Variants in YAE1 observed in about 807,000 individuals in gnomAD.
YAE1 encodes the protein protein YAE1 homolog.
Under a neutral mutation model 23.0 loss-of-function variants are expected in YAE1, and 22 were observed. The observed-to-expected ratio is 0.96, with a 90% CI of 0.68 to 1.37. YAE1 has a LOEUF of 1.37. Ranked by LOEUF, YAE1 falls within the 40% of genes most tolerant of loss-of-function variation. The probability of loss-of-function intolerance (pLI) is 0.00; values close to 1 mark genes in which losing one functional copy is unlikely to be tolerated. For missense variants in YAE1, 260 were observed against 262.1 expected, an observed-to-expected ratio of 0.99 and a Z score of 0.06; for synonymous variants, 101 against 97.0, an observed-to-expected ratio of 1.04 and a Z score of -0.24.
intron 2 of YAE1, 27 bp downstream of exon 2, chr7:39,570,654 T>A: frequency 6.3e-7 from 1 of 1,577,662 alleles, no homozygotes. Flanking sequence ...AAATGCTGAA[T>A]CATTTTAACC....
intron 2 of YAE1, among the ~76,000 whole-genome samples, chr7:39,584,798 C>T (rs906202406): frequency 1.3e-5 from 2 of 152,090 alleles, no homozygotes; most frequent in Non-Finnish European, 2.9e-5. Flanking sequence ...TTGGGAGGAT[C>T]GTTTGATGCC....
chr7:39,609,524 T>C (rs887744662), intron 2 of YAE1: 2 of 1,453,318 alleles, frequency 1.4e-6, no homozygotes, highest in South Asian at 1.3e-5. Flanking sequence ...TATCAGAAAA[T>C]GATGATGTTA....
intron 2 of YAE1, among the ~76,000 whole-genome samples, chr7:39,597,274 AAG>A: frequency 6.6e-6 from 1 of 152,204 alleles, no homozygotes; most frequent in Middle Eastern, 3.2e-3. Flanking sequence ...CTGATTAGAA[AAG>A]AGAGAGGTTG....
At chr7:39,597,341 G>GT (rs1452135919) in intron 2 of YAE1, among the ~76,000 whole-genome samples, 1 of 152,138 alleles carries the variant, frequency 6.6e-6, no homozygotes, top group Non-Finnish European at 1.5e-5. Context: ...AGGTGGAAGT[G>GT]AGAGGACTGC....
downstream of YAE1, among the ~76,000 whole-genome samples, chr7:39,574,683 A>G (rs1475847608): frequency 6.7e-6 from 1 of 149,616 alleles, no homozygotes; most frequent in African/African-American, 2.5e-5. Flanking sequence ...CAGTGAGCCA[A>G]GATTGTGCCA....
Position 39,572,628 on chromosome 7 carries a change from G to C in YAE1, c.603G>C (p.Trp201Cys). The C allele has an allele frequency of 6.2e-7, 1 of 1,613,998 alleles. No homozygotes were observed. The highest frequency in any genetic ancestry group is 8.5e-7 in the Non-Finnish European group (1 of 1,179,922). ...ATTCAGAAAACCCAAGCCCCACATGGATTTTGGAACAGACAGCCAGTTTAG... is the reference window on the plus strand; with the variant it reads ...ATTCAGAAAACCCAAGCCCCACATGCATTTTGGAACAGACAGCCAGTTTAG... Reference protein sequence around the residue: ...HAHSENPSPTWILEQTASLVK... With the variant: ...HAHSENPSPTCILEQTASLVK... The change falls in exon 3 of 3, where the codon TGG (tryptophan) becomes TGC (cysteine). Residue 201 changes from tryptophan to cysteine, a missense_variant. Physicochemically the swap from Trp to Cys is radical, Grantham distance 215. Transcript: ENST00000223273.
chr7:39,585,428 A>C (rs1198905803), intron 2 of YAE1, among the ~76,000 whole-genome samples: 1 of 152,044 alleles, frequency 6.6e-6, no homozygotes, highest in Non-Finnish European at 1.5e-5. Context: ...GGAGGAAAAA[A>C]CCACGTGAGA....
chr7:39,587,801 A>AACTTC (rs56759165), intron 2 of YAE1, among the ~76,000 whole-genome samples: 114,073 of 151,588 alleles, frequency 0.75, 44,494 homozygotes, highest in East Asian at 1. Context: ...ATTGTCTATA[A>AACTTC]ACTTCAAGGC....
At chr7:39,580,411 TATAA>T (rs1166674231) in intron 2 of YAE1, among the ~76,000 whole-genome samples, 2 of 152,252 alleles carry the variant, frequency 1.3e-5, no homozygotes. Context: ...TTTCTTGCCC[TATAA>T]ATAGTCTGCT....
chr7:39,575,575 A>AGAGAGAGAGAGTGAGTGAGT (rs1339594299), downstream of YAE1, among the ~76,000 whole-genome samples: 1 of 81,726 alleles, frequency 1.2e-5, no homozygotes, highest in African/African-American at 7.3e-5. Context: ...AGAGAGAGAG[A>AGAGAGAGAGAGTGAGTGAGT]GAGTGAGTGT....
chr7:39,597,528 T>C (rs1790993957), intron 2 of YAE1, among the ~76,000 whole-genome samples: 1 of 152,234 alleles, frequency 6.6e-6, no homozygotes, highest in African/African-American at 2.4e-5. Flanking sequence ...TACATCTCAC[T>C]TTTCCTCATA....
At chr7:39,571,248 A>G (rs75171970) in intron 2 of YAE1, among the ~76,000 whole-genome samples, 11,104 of 149,708 alleles carry the variant, frequency 0.074, 437 homozygotes, top group East Asian at 0.12. Context: ...GCATTATGAA[A>G]TTTTTTTCAT....
chr7:39,586,177 T>G (rs1312575295), intron 2 of YAE1, among the ~76,000 whole-genome samples: 2 of 112,462 alleles, frequency 1.8e-5, no homozygotes, highest in Non-Finnish European at 3.2e-5. Context: ...TTTTTTCCTC[T>G]TTTTTTTTTT....
chr7:39,608,207 G>A (rs1174054764), intron 2 of YAE1, among the ~76,000 whole-genome samples: 1 of 152,170 alleles, frequency 6.6e-6, no homozygotes, highest in Non-Finnish European at 1.5e-5. Flanking sequence ...TTAGAAACAA[G>A]GACATAAGTG....
chr7:39,566,613 T>A, intron 1 of YAE1, 66 bp downstream of exon 1: 1 of 1,599,320 alleles, frequency 6.3e-7, no homozygotes, highest in Non-Finnish European at 8.5e-7. Context: ...GTGAAGAAGC[T>A]GGGTCCAGAG....
intron 2 of YAE1, among the ~76,000 whole-genome samples, chr7:39,589,038 TCTCGAA>T (rs1790863374): frequency 6.6e-6 from 1 of 152,122 alleles, no homozygotes; most frequent in South Asian, 2.1e-4. Flanking sequence ...GCCAGGCTGG[TCTCGAA>T]CTCGTGGCCT....
intron 1 of YAE1, chr7:39,569,462 T>G: frequency 2.0e-6 from 1 of 495,570 alleles, no homozygotes; most frequent in Non-Finnish European, 4.0e-6. Context: ...TTTTGGCTTC[T>G]TCTTCTGAAA....
downstream of YAE1, among the ~76,000 whole-genome samples, chr7:39,573,882 T>C (rs1705705027): frequency 6.6e-6 from 1 of 152,158 alleles, no homozygotes; most frequent in African/African-American, 2.4e-5. Flanking sequence ...GACAGCTGGC[T>C]AAAAAAAGCT....
At chr7:39,607,109 T>C (rs1227209768) in intron 2 of YAE1, among the ~76,000 whole-genome samples, 1 of 152,212 alleles carries the variant, frequency 6.6e-6, no homozygotes, top group Non-Finnish European at 1.5e-5. Context: ...GCTTTTCTGT[T>C]GTCTTCTTCA....
Sources: allele counts gnomAD v4.1 joint callset (sites outside exome capture counted in the v4.1 genomes callset), GRCh38; gene constraint gnomAD v4.1.1; transcripts MANE v1.5; gene names NCBI Gene and HGNC (gene_info 2026-07-23, HGNC 2026-07-21).